Variants in PRRX1 observed in about 807,000 individuals in gnomAD.
PRRX1 encodes paired related homeobox 1.
In PRRX1, 8 loss-of-function variants were observed where a neutral mutation model predicts 24.0. That is an observed-to-expected ratio of 0.33 (90% CI 0.20 to 0.60). The LOEUF (loss-of-function observed/expected upper bound fraction) is 0.60. PRRX1 is among the 20% of genes least tolerant of loss of function. The probability of loss-of-function intolerance (pLI) is 0.82; values close to 1 mark genes in which losing one functional copy is unlikely to be tolerated. For missense variants in PRRX1, 281 were observed against 322.4 expected, an observed-to-expected ratio of 0.87 and a Z score of 0.98; for synonymous variants, 160 against 131.7, an observed-to-expected ratio of 1.22 and a Z score of -1.47.
At chr1:170,677,310 G>C (rs1332498628) in intron 1 of PRRX1, among the ~76,000 whole-genome samples, 1 of 152,090 alleles carries the variant, frequency 6.6e-6, no homozygotes, top group Non-Finnish European at 1.5e-5. Context: ...TTTGTTATTT[G>C]GAATAATAAA....
Position 170,670,177 on chromosome 1 carries a change from G to T in PRRX1, c.241+5718G>T, listed in dbSNP as rs141382212. Among the ~76,000 whole-genome samples the T allele has an allele frequency of 4.6e-3, 695 of 152,224 alleles. 2 individuals carry two copies. Among genetic ancestry groups the T allele is most frequent in the Middle Eastern group, 0.027 (8 of 294 alleles). On this transcript the variant is annotated intron_variant, in intron 1 of 3. Transcript: ENST00000239461. ...GTAATCTTATTGGGAGCCCTTTGTC[G>T]AATTCTGTATTTTACTTTGATGCTT...
intron 1 of PRRX1, among the ~76,000 whole-genome samples, chr1:170,681,058 C>T (rs899326825): frequency 6.6e-6 from 1 of 152,094 alleles, no homozygotes; most frequent in Non-Finnish European, 1.5e-5. Context: ...TTAACTTGTG[C>T]CTTTGGGTCT....
At chr1:170,732,083 G>A (rs539896256) in intron 3 of PRRX1, among the ~76,000 whole-genome samples, 22 of 152,166 alleles carry the variant, frequency 1.4e-4, no homozygotes, top group Admixed American at 3.9e-4. Context: ...TGTTAAGCAG[G>A]CTTCTGGTTG....
intron 1 of PRRX1, among the ~76,000 whole-genome samples, chr1:170,702,461 G>T (rs1163009937): frequency 6.6e-6 from 1 of 152,114 alleles, no homozygotes; most frequent in Non-Finnish European, 1.5e-5. Flanking sequence ...GGGTTTGTCG[G>T]ACTCCTCCCT....
At chr1:170,726,423 C>T (rs531014331) in intron 3 of PRRX1, 22 bp downstream of exon 3, 28 of 1,609,030 alleles carry the variant, frequency 1.7e-5, no homozygotes, top group Non-Finnish European at 2.2e-5. Context: ...GCCCACTCTC[C>T]CTTGCTCCAC....
At chr1:170,678,935 AC>A (rs1175590440) in intron 1 of PRRX1, among the ~76,000 whole-genome samples, 13 of 152,214 alleles carry the variant, frequency 8.5e-5, no homozygotes, top group Non-Finnish European at 1.8e-4. Flanking sequence ...ATACCCAGTG[AC>A]TCAGAATCTC....
At chr1:170,674,358 C>A (rs574480773) in intron 1 of PRRX1, among the ~76,000 whole-genome samples, 3 of 152,346 alleles carry the variant, frequency 2.0e-5, no homozygotes, top group African/African-American at 7.2e-5. Context: ...CTCATTTTGG[C>A]TTCTCTGACT....
chr1:170,687,564 C>T (rs773007579), intron 1 of PRRX1, among the ~76,000 whole-genome samples: 1 of 152,148 alleles, frequency 6.6e-6, no homozygotes, highest in Non-Finnish European at 1.5e-5. Flanking sequence ...CCTCACTTTC[C>T]TTTTCTCTAA....
At chr1:170,733,743 C>A (rs532515230) in intron 3 of PRRX1, among the ~76,000 whole-genome samples, 1 of 152,080 alleles carries the variant, frequency 6.6e-6, no homozygotes, top group Non-Finnish European at 1.5e-5. Flanking sequence ...TTTCCCAAAT[C>A]CAATAGTCTT....
At chr1:170,670,208 G>A (rs1359559304) in intron 1 of PRRX1, among the ~76,000 whole-genome samples, 2 of 152,140 alleles carry the variant, frequency 1.3e-5, no homozygotes, top group Admixed American at 1.3e-4. Context: ...TGCTTTTTGA[G>A]TACCATTCCC....
At chr1:170,700,675 C>T (rs1654324208) in intron 1 of PRRX1, among the ~76,000 whole-genome samples, 1 of 152,072 alleles carries the variant, frequency 6.6e-6, no homozygotes, top group South Asian at 2.1e-4. Flanking sequence ...TTGTCTCATG[C>T]CCAGCCAAAA....
At chr1:170,686,190 A>AAC (rs1365499900) in intron 1 of PRRX1, among the ~76,000 whole-genome samples, 1 of 151,986 alleles carries the variant, frequency 6.6e-6, no homozygotes, top group Non-Finnish European at 1.5e-5. Flanking sequence ...AAAAAAAAAA[A>AAC]AAAAACAAGT....
intron 1 of PRRX1, among the ~76,000 whole-genome samples, chr1:170,709,489 C>A (rs577952259): frequency 6.6e-6 from 1 of 152,166 alleles, no homozygotes; most frequent in Non-Finnish European, 1.5e-5. Context: ...GAGGCCCATG[C>A]AGTGTTTTCT....
chr1:170,713,093 G>A (rs899805081), intron 1 of PRRX1, among the ~76,000 whole-genome samples: 9 of 152,096 alleles, frequency 5.9e-5, no homozygotes, highest in South Asian at 2.1e-4. Flanking sequence ...ATTGTTATTC[G>A]TATTAGTAAA....
chr1:170,670,596 G>A (rs1159698615), intron 1 of PRRX1, among the ~76,000 whole-genome samples: 3 of 152,044 alleles, frequency 2.0e-5, no homozygotes, highest in Admixed American at 6.5e-5. Context: ...GGCAGCCTCA[G>A]GGAAGTACTC....
rs191786794 is a variant in PRRX1 at position 170,706,157 on chromosome 1, C to T, written c.242-13569C>T. 5.9e-5 allele frequency among the ~76,000 whole-genome samples: 9 copies of T among 152,132 alleles called. No individual in the cohort carries two copies. The East Asian group carries it at 1.7e-3, about 29-fold the overall frequency. On this transcript the variant is annotated intron_variant, in intron 1 of 3. Coordinates refer to ENST00000239461, the MANE Select transcript of PRRX1 (RefSeq NM_022716.4). ...AAGCATTCATGCAATGTTGAAATAA[C>T]CCTGATATCTGCAAATATCATTACT...
intron 1 of PRRX1, among the ~76,000 whole-genome samples, chr1:170,678,766 T>C (rs1396452668): frequency 2.6e-5 from 4 of 152,210 alleles, no homozygotes; most frequent in Non-Finnish European, 4.4e-5. Flanking sequence ...AGTTCATGTC[T>C]AATAATTTAG....
intron 1 of PRRX1, among the ~76,000 whole-genome samples, chr1:170,683,958 C>G (rs1420448089): frequency 6.6e-6 from 1 of 152,106 alleles, no homozygotes; most frequent in African/African-American, 2.4e-5. Context: ...TTATACCCAC[C>G]ACCAGTTTTT....
chr1:170,680,900 T>G (rs1336762409), intron 1 of PRRX1, among the ~76,000 whole-genome samples: 1 of 152,212 alleles, frequency 6.6e-6, no homozygotes, highest in African/African-American at 2.4e-5. Context: ...ATAATGTGAC[T>G]GTAAAATGTG....
Sources: gnomAD v4.1 joint callset for allele counts (sites outside exome capture counted in the v4.1 genomes callset) on GRCh38, gnomAD v4.1.1 for gene constraint, MANE v1.5 for transcripts, NCBI Gene and HGNC (gene_info 2026-07-23, HGNC 2026-07-21) for gene names.